The following NTM variants were observed in gnomAD, a reference collection of about 807,000 sequenced individuals.
NTM encodes neurotrimin.
NTM carries 13 observed loss-of-function variants against 42.1 expected under a neutral mutation model. The ratio of observed to expected loss-of-function variants is 0.31; its 90% CI spans 0.20 to 0.49. The LOEUF is 0.49. Ranked by LOEUF, NTM falls within the 20% of genes least tolerant of loss-of-function variation. The pLI, the probability that NTM is intolerant of heterozygous loss-of-function variation, is 0.99. For synonymous variants in NTM, 187 were observed against 179.2 expected (o/e 1.04, Z -0.35); for missense variants, 373 against 452.8 (o/e 0.82, Z 1.60).
At chr11:131,871,827 G>C (rs1449888766) in intron 1 of NTM, among the ~76,000 whole-genome samples, 1 of 152,108 alleles carries the variant, frequency 6.6e-6, no homozygotes, top group African/African-American at 2.4e-5. Context: ...GGTCCCCTAG[G>C]TCTTTCCTTT....
intron 1 of NTM, among the ~76,000 whole-genome samples, chr11:131,832,774 G>A (rs2042981996): frequency 6.6e-6 from 1 of 152,202 alleles, no homozygotes; most frequent in Non-Finnish European, 1.5e-5. Flanking sequence ...GAAGGTGTAT[G>A]TGTATATGTA....
At chr11:131,386,072 G>C (rs1943282227) in intron 1 of NTM, among the ~76,000 whole-genome samples, 1 of 152,152 alleles carries the variant, frequency 6.6e-6, no homozygotes, top group Non-Finnish European at 1.5e-5. Flanking sequence ...AACAACCCAA[G>C]TGTCCATCAT....
chr11:131,637,532 A>G (rs1357729471), intron 1 of NTM, among the ~76,000 whole-genome samples: 1 of 151,216 alleles, frequency 6.6e-6, no homozygotes, highest in Non-Finnish European at 1.5e-5. Context: ...GGTGCTCTCT[A>G]CTTGTAATAA....
rs114469528 is a variant in NTM at position 132,218,339 on chromosome 11, C to T, written c.526+6192C>T. ...ATCCATCTATGCCAATTCTAGACAA[C>T]TCTTGGAATCTCCTTTTGGTTGGGT... On this transcript the variant is annotated intron_variant, in intron 4 of 8. Transcript: ENST00000683400. Among the ~76,000 whole-genome samples the T allele has an allele frequency of 3.0e-3, 462 of 152,332 alleles. 5 individuals are homozygous for T. Among genetic ancestry groups the T allele is most frequent in the African/African-American group, 0.01 (423 of 41,568 alleles).
At chr11:132,269,882 T>A (rs943059965) in intron 4 of NTM, among the ~76,000 whole-genome samples, 4 of 152,252 alleles carry the variant, frequency 2.6e-5, no homozygotes, top group Admixed American at 6.5e-5. Flanking sequence ...TCAACTTTAC[T>A]GGGCTATAAT....
chr11:132,177,483 A>G (rs1388155705), intron 3 of NTM, among the ~76,000 whole-genome samples: 1 of 152,228 alleles, frequency 6.6e-6, no homozygotes, highest in African/African-American at 2.4e-5. Context: ...AATAGGGGAC[A>G]CAAGTGGATG....
chr11:132,200,295 C>T (rs182390567), intron 3 of NTM, among the ~76,000 whole-genome samples: 13 of 152,268 alleles, frequency 8.5e-5, no homozygotes, highest in Admixed American at 2.0e-4. Context: ...TTCCCTAAGA[C>T]GGTGGTCACA....
At chr11:132,303,545 C>CT (rs1176828650) in intron 4 of NTM, among the ~76,000 whole-genome samples, 3 of 152,090 alleles carry the variant, frequency 2.0e-5, no homozygotes, top group Non-Finnish European at 4.4e-5. Context: ...TTGTAAAGAC[C>CT]TTTTTCCAAA....
chr11:131,757,797 G>A (rs549168144), intron 1 of NTM, among the ~76,000 whole-genome samples: 203 of 152,296 alleles, frequency 1.3e-3, no homozygotes, highest in Non-Finnish European at 2.5e-3. Context: ...GAAACAACCA[G>A]AGTAAAAGTA....
At chr11:131,396,025 G>A (rs1372585051) in intron 1 of NTM, among the ~76,000 whole-genome samples, 2 of 152,188 alleles carry the variant, frequency 1.3e-5, no homozygotes. Flanking sequence ...AGGTGAGGGG[G>A]CAGAAAGGGT....
At chr11:131,624,197 G>T (rs968742301) in intron 1 of NTM, among the ~76,000 whole-genome samples, 2 of 152,226 alleles carry the variant, frequency 1.3e-5, no homozygotes, top group East Asian at 1.9e-4. Flanking sequence ...AGTGCGGTCC[G>T]GCCTGGGTAT....
At chr11:131,657,389 T>A (rs1354269013) in intron 1 of NTM, among the ~76,000 whole-genome samples, 1 of 152,196 alleles carries the variant, frequency 6.6e-6, no homozygotes, top group South Asian at 2.1e-4. Context: ...CGTGGAAGAA[T>A]AAAGGGCAGA....
chr11:131,529,611 A>C (rs369967590), intron 1 of NTM, among the ~76,000 whole-genome samples: 55 of 152,254 alleles, frequency 3.6e-4, no homozygotes, highest in African/African-American at 1.3e-3. Flanking sequence ...ACACGCACCA[A>C]CTGAAATCAA....
Position 132,146,448 on chromosome 11 carries a change from C to T in NTM, c.334C>T (p.Pro112Ser). 1 of 1,614,174 alleles carries T rather than the reference C, an allele frequency of 6.2e-7. No individual in the cohort carries two copies. The highest frequency in any genetic ancestry group is 1.1e-5 in the South Asian group (1 of 91,082). ...GAACGTGGATGTGTATGACGAGGGC[C>T]CTTACACCTGCTCGGTGCAGACAGA... ...IQNVDVYDEG[P>S]YTCSVQTDNH... The change falls in exon 3 of 9, where the codon CCT becomes TCT. Residue 112 changes from proline (P) to serine (S), a missense_variant. Pro to Ser is a moderately conservative substitution (Grantham distance 74). This residue lies in a region of NTM where 312 missense variants were observed against 353.5 expected (regional missense o/e 0.88). Transcript: ENST00000683400. This position sits in a 1 kb window ranked among gnomAD's most constrained non-coding sequence, Gnocchi z 4.5.
rs544425936 is a variant in NTM at position 132,326,026 on chromosome 11, G to A, written c.935-4127G>A. ...ACACTGGGGACTGTTGTGGGGTGGG[G>A]GGACGGGGGAGGGATAGCATTAGGA... On this transcript the variant is annotated intron_variant, in intron 7 of 8. Transcript: ENST00000683400. Among the ~76,000 whole-genome samples the A allele has an allele frequency of 4.6e-5, 7 of 152,028 alleles. No homozygotes were observed. In the East Asian group the frequency reaches 1.4e-3, roughly 30 times the overall value.
intron 1 of NTM, among the ~76,000 whole-genome samples, chr11:131,429,397 A>G (rs780382282): frequency 2.6e-5 from 4 of 152,128 alleles, no homozygotes; most frequent in Non-Finnish European, 5.9e-5. Context: ...GACCCACTCT[A>G]CCAGGTTGTT....
chr11:132,292,606 T>G (rs1003176017), intron 4 of NTM, among the ~76,000 whole-genome samples: 3 of 151,582 alleles, frequency 2.0e-5, no homozygotes, highest in African/African-American at 7.3e-5. Flanking sequence ...GAGAAGCCAG[T>G]TTGTTTTTTT....
chr11:132,286,360 T>C (rs768501562), intron 4 of NTM, among the ~76,000 whole-genome samples: 3 of 152,160 alleles, frequency 2.0e-5, no homozygotes, highest in Admixed American at 6.5e-5. Flanking sequence ...AAATAGTAGT[T>C]CTTTTCAAAT....
chr11:131,543,070 C>T (rs1020317795), intron 1 of NTM, among the ~76,000 whole-genome samples: 5 of 152,194 alleles, frequency 3.3e-5, no homozygotes, highest in East Asian at 1.9e-4. Context: ...AGGATGAACA[C>T]GTGACTTCTC....
Sources: allele counts gnomAD v4.1 joint callset (sites outside exome capture counted in the v4.1 genomes callset), GRCh38; gene constraint gnomAD v4.1.1; regional missense constraint gnomAD v4.1.1; non-coding constraint Gnocchi (gnomAD v3.1); transcripts MANE v1.5; gene names NCBI Gene and HGNC (gene_info 2026-07-23, HGNC 2026-07-21).